C2CD3: variants seen among roughly 807,000 people sequenced by gnomAD.
C2CD3 encodes C2 domain-containing protein 3.
Under a neutral mutation model 234.0 loss-of-function variants are expected in C2CD3, and 148 were observed. That is an observed-to-expected ratio of 0.63 (90% CI 0.55 to 0.72). C2CD3 has a LOEUF of 0.72. Ranked by LOEUF, C2CD3 falls within the 30% of genes least tolerant of loss-of-function variation. C2CD3 has a pLI of 0.00. For missense variants in C2CD3, 2,577 were observed against 2,811.5 expected (o/e 0.92, Z 1.89); for synonymous variants, 1,000 against 1,035.4 (o/e 0.97, Z 0.66).
chr11:74,026,959 C>A (rs1952326874), intron 32 of C2CD3, among the ~76,000 whole-genome samples: 1 of 118,672 alleles, frequency 8.4e-6, no homozygotes, highest in Non-Finnish European at 1.7e-5. Context: ...ACAGAATAAG[C>A]CTCAAAAAAA....
chr11:74,048,521 T>C (rs1005085995), intron 27 of C2CD3, among the ~76,000 whole-genome samples, 183 bp from the exon 28 acceptor site: 2 of 152,266 alleles, frequency 1.3e-5, no homozygotes. Flanking sequence ...GCAACTATTA[T>C]TATTATACTC....
At chr11:74,074,979 G>A (rs996674361) in intron 23 of C2CD3, among the ~76,000 whole-genome samples, 1 of 152,108 alleles carries the variant, frequency 6.6e-6, no homozygotes, top group East Asian at 1.9e-4. Context: ...AGCTACTCAG[G>A]AGGCTAAGGT....
At chr11:74,079,913 C>T (rs12277407) in intron 22 of C2CD3, among the ~76,000 whole-genome samples, 12,536 of 151,970 alleles carry the variant, frequency 0.082, 1,384 homozygotes, top group African/African-American at 0.25. Flanking sequence ...AGATAGTAAA[C>T]ATTTTAGGCT....
chr11:74,082,269 C>T (rs1955413657), intron 22 of C2CD3, among the ~76,000 whole-genome samples: 1 of 152,008 alleles, frequency 6.6e-6, no homozygotes, highest in Non-Finnish European at 1.5e-5. Context: ...GCGCCTGCTA[C>T]CACGCCCAGC....
At chr11:74,160,106 T>C (rs138005158) in intron 3 of C2CD3, among the ~76,000 whole-genome samples, 93 of 152,324 alleles carry the variant, frequency 6.1e-4, no homozygotes, top group African/African-American at 2.0e-3. Context: ...CTAGGAGCAA[T>C]AGGCTATACC....
chr11:74,053,235 G>A (rs750901829), intron 26 of C2CD3, among the ~76,000 whole-genome samples: 2 of 152,114 alleles, frequency 1.3e-5, no homozygotes, highest in East Asian at 1.9e-4. Context: ...TATTTTTACC[G>A]TCAAGAATTA....
chr11:74,142,771 C>T (rs1854891330), intron 3 of C2CD3, among the ~76,000 whole-genome samples: 1 of 152,076 alleles, frequency 6.6e-6, no homozygotes, highest in South Asian at 2.1e-4. Flanking sequence ...AATTCCTAGC[C>T]GTCCAAGAGA....
In C2CD3 at chr11:74,118,352, T is replaced by C. The variant is rs201605347; in HGVS notation, c.1396A>G (p.Ser466Gly). 55 of 1,612,198 alleles carry C rather than the reference T, an allele frequency of 3.4e-5. No individual in the cohort carries two copies. In the East Asian group the frequency reaches 9.1e-4, roughly 27 times the overall value. The change falls in exon 9 of 33, where the codon AGT becomes GGT. Residue 466 changes from serine to glycine, a missense_variant. Ser to Gly is a moderately conservative substitution (Grantham distance 56, BLOSUM62 0). Coordinates refer to ENST00000334126, the MANE Select transcript of C2CD3 (RefSeq NM_001286577.2). ...GAAGGGACGATATCATCCTCTTCAC[T>C]GAGGAAATCACTGATGCTGGTATCA... ...KSDTSISDFL[S>G]EEDDIVPSKK...
intron 7 of C2CD3, chr11:74,128,658 A>G (rs1445802677): frequency 6.6e-6 from 1 of 151,794 alleles, no homozygotes; most frequent in Admixed American, 6.6e-5. Context: ...AAGTGAACAA[A>G]GGTCTCTGGT....
chr11:74,162,369 T>C (rs1856534094), intron 2 of C2CD3, among the ~76,000 whole-genome samples: 1 of 152,158 alleles, frequency 6.6e-6, no homozygotes, highest in East Asian at 1.9e-4. Context: ...GAATTTATTT[T>C]ATAAGTAAAT....
chr11:74,048,341 G>A lies in C2CD3; in HGVS notation c.5362-3C>T. The A allele has an allele frequency of 6.2e-7, 1 of 1,613,274 alleles. No individual in the cohort carries two copies. Among genetic ancestry groups the A allele is most frequent in the African/African-American group, 1.3e-5 (1 of 75,008 alleles). On this transcript the variant is annotated splice_polypyrimidine_tract_variant and splice_region_variant and intron_variant, in intron 27 of 32. Coordinates refer to ENST00000334126, the MANE Select transcript of C2CD3 (RefSeq NM_001286577.2). ...GAAAAGGGACTGTATATTGGGATCT[G>A]TAAACACAACAAGAAAAATGGTACA...
In C2CD3 at chr11:74,078,678, C is replaced by A; in HGVS notation, c.4040G>T (p.Gly1347Val). 1 of 1,611,964 alleles carries A rather than the reference C, an allele frequency of 6.2e-7. No homozygotes were observed. ...GAGCTCCAGGCCATGAGGTAGGCCC[C>A]CGTCTTCTGGTAAAATGATAGGATA... is the stretch of plus-strand genomic sequence containing the variant. ...GWYPIILPED[G>V]GLPHGLELMQ... Residue 1347 changes from glycine (G) to valine (V), a missense_variant, in exon 23 of 33, where the codon GGG becomes GTG. Transcript: ENST00000334126.
intron 32 of C2CD3, among the ~76,000 whole-genome samples, chr11:74,022,837 T>C (rs1952144048): frequency 6.6e-6 from 1 of 152,248 alleles, no homozygotes. Context: ...TGTGCTGCAG[T>C]CCTGCTAAAC....
intron 3 of C2CD3, among the ~76,000 whole-genome samples, chr11:74,154,104 T>C (rs1196527134): frequency 6.6e-6 from 1 of 151,890 alleles, no homozygotes; most frequent in African/African-American, 2.4e-5. Context: ...AAGCCAAAAC[T>C]ATAAAAATAT....
At chr11:74,071,059 C>T (rs138744555) in intron 24 of C2CD3, among the ~76,000 whole-genome samples, 8 of 152,262 alleles carry the variant, frequency 5.3e-5, no homozygotes, top group African/African-American at 9.6e-5. Context: ...TCTTTCATAT[C>T]GTTTATTCCT....
At chr11:74,109,533 A>T (rs1370065123) in intron 11 of C2CD3, 2 of 163,906 alleles carry the variant, frequency 1.2e-5, no homozygotes, top group African/African-American at 2.4e-5. Flanking sequence ...TTGGAGGTGG[A>T]ACAATGAGGG....
In C2CD3 at chr11:74,084,945, T is replaced by C. The variant is rs764132163; in HGVS notation, c.3936A>G (p.Ser1312=). The change falls in exon 22 of 33, where the codon TCA becomes TCG. Residue 1312 remains serine, a synonymous_variant. Coordinates refer to ENST00000334126, the MANE Select transcript of C2CD3 (RefSeq NM_001286577.2). ...CTACTCCAAGCAGATACTCTTTGCA[T>C]GACTCAATACTGATTATATCACTTG... ...KSASDIISIE[S]CKEYLLGVVK... is the part of the protein sequence containing the mutation. The C allele has an allele frequency of 6.2e-7, 1 of 1,611,408 alleles. No homozygotes were observed. Among genetic ancestry groups the C allele is most frequent in the South Asian group, 1.1e-5 (1 of 91,018 alleles).
intron 24 of C2CD3, among the ~76,000 whole-genome samples, chr11:74,063,630 A>C (rs1157220866): frequency 1.3e-5 from 2 of 152,236 alleles, no homozygotes; most frequent in African/African-American, 4.8e-5. Context: ...GGTGTATCTC[A>C]AAATAAGAGC....
At chr11:74,037,360 G>T in intron 30 of C2CD3, 118 bp downstream of exon 30, 1 of 798,002 alleles carries the variant, frequency 1.3e-6, no homozygotes, top group Non-Finnish European at 2.1e-6. Flanking sequence ...AAGGAAGAGG[G>T]TGAAAACAAT....
Sources: allele counts gnomAD v4.1 joint callset (sites outside exome capture counted in the v4.1 genomes callset), GRCh38; gene constraint gnomAD v4.1.1; transcripts MANE v1.5; gene names NCBI Gene and HGNC (gene_info 2026-07-23, HGNC 2026-07-21).